MTUS2: variants seen among roughly 807,000 people sequenced by gnomAD.
The protein encoded by MTUS2 is microtubule associated scaffold protein 2, also known as microtubule-associated tumor suppressor candidate 2.
In MTUS2, 40 loss-of-function variants were observed where a neutral mutation model predicts 114.1. The observed-to-expected ratio is 0.35, with a 90% CI of 0.27 to 0.46. The LOEUF (loss-of-function observed/expected upper bound fraction) is 0.46. MTUS2 is among the 20% of genes least tolerant of loss of function. MTUS2 has a pLI of 1.00. For synonymous variants in MTUS2, 688 were observed against 672.0 expected (o/e 1.02, Z -0.37); for missense variants, 1,679 against 1,705.4 (o/e 0.98, Z 0.27).
intron 4 of MTUS2, among the ~76,000 whole-genome samples, chr13:29,099,511 T>TG (rs36073198): frequency 0.97 from 148,015 of 152,274 alleles, 72,006 homozygotes; most frequent in Non-Finnish European, 0.99. Context: ...TGCTGCTCTC[T>TG]TATTCCCACA....
intron 8 of MTUS2, among the ~76,000 whole-genome samples, chr13:29,380,740 C>T (rs1287376110): frequency 3.4e-5 from 1 of 29,082 alleles, no homozygotes; most frequent in African/African-American, 5.9e-5. Flanking sequence ...CAAGGTGAAA[C>T]CCCGTCTCTA....
intron 2 of MTUS2, among the ~76,000 whole-genome samples, chr13:29,010,199 A>G (rs1011810864): frequency 7.0e-6 from 1 of 142,518 alleles, no homozygotes; most frequent in Non-Finnish European, 1.5e-5. Context: ...CGACAGAGCA[A>G]GACTCCGTCT....
At chr13:29,492,846 A>T (rs1225425505) in intron 12 of MTUS2, 127 bp downstream of exon 12, 1 of 721,670 alleles carries the variant, frequency 1.4e-6, no homozygotes, top group East Asian at 2.7e-5. Flanking sequence ...ATATAAGGTA[A>T]ATAAGTCATA....
chr13:29,318,391 C>CTTTTTTTTTTTTTATTTTTT, intron 6 of MTUS2, among the ~76,000 whole-genome samples: 1 of 135,080 alleles, frequency 7.4e-6, no homozygotes, highest in South Asian at 2.5e-4. Context: ...ATTTCTTTTT[C>CTTTTTTTTTTTTTATTTTTT]TTTTTTTTTT....
rs150604730 is a variant in MTUS2 at position 29,386,752 on chromosome 13, G to GGA, written c.3117+27279_3117+27280insGA. Among the ~76,000 whole-genome samples the GGA allele has an allele frequency of 2.4e-4, 36 of 152,264 alleles. No homozygotes were observed. The East Asian group carries it at 6.4e-3, about 27-fold the overall frequency. The stretch of plus-strand genomic sequence containing the variant: ...CCAACTGCCCAGTTACTCCCCATAA[G>GGA]AGTAACTCCAATTAGCCTACATTCT... On this transcript the variant is annotated intron_variant, in intron 8 of 15. Transcript: ENST00000612955.
chr13:29,349,324 C>A (rs1309153803), intron 7 of MTUS2, among the ~76,000 whole-genome samples: 19 of 152,056 alleles, frequency 1.2e-4, no homozygotes, highest in Non-Finnish European at 1.5e-5. Flanking sequence ...CATCTCTCTT[C>A]TGGCATTTGT....
At chr13:29,488,067 T>TCCACACATCTGCA in intron 11 of MTUS2, 62 bp downstream of exon 11, 3 of 1,269,040 alleles carry the variant, frequency 2.4e-6, no homozygotes, top group Non-Finnish European at 3.4e-6. Flanking sequence ...CCTTTCCTGC[T>TCCACACATCTGCA]GCAGATGTGT....
In MTUS2 at chr13:29,497,270, G is replaced by A; in HGVS notation, c.3612G>A (p.Gln1204=). ...DQVDTLTFQS[Q]SLRDRARRFE... The stretch of plus-strand genomic sequence containing the variant: ...TGGACACGCTGACCTTCCAGAGCCA[G>A]TCTCTGCGGGACAGAGCCCGCCGCT... Residue 1204 remains glutamine (Q), a synonymous_variant, in exon 13 of 16, where the codon CAG becomes CAA. Transcript: ENST00000612955. 1 of 1,612,184 alleles carries A rather than the reference G, an allele frequency of 6.2e-7. No homozygotes were observed. The highest frequency in any genetic ancestry group is 8.5e-7 in the Non-Finnish European group (1 of 1,179,906).
intron 8 of MTUS2, among the ~76,000 whole-genome samples, chr13:29,395,045 A>G (rs1373088811): frequency 2.6e-5 from 4 of 152,190 alleles, no homozygotes; most frequent in African/African-American, 9.7e-5. Context: ...TTGCAGTGCC[A>G]TTTCAAAATA....
intron 4 of MTUS2, among the ~76,000 whole-genome samples, chr13:29,089,981 G>A (rs1889865983): frequency 6.6e-6 from 1 of 152,262 alleles, no homozygotes; most frequent in South Asian, 2.1e-4. Flanking sequence ...GAGCTAATGT[G>A]GTCATTTGGA....
chr13:28,963,929 C>A (rs375953230), intron 2 of MTUS2, among the ~76,000 whole-genome samples: 4 of 152,206 alleles, frequency 2.6e-5, no homozygotes, highest in African/African-American at 4.8e-5. Flanking sequence ...AGTCTCCCCC[C>A]AGCCTGACCT....
intron 2 of MTUS2, among the ~76,000 whole-genome samples, chr13:28,896,118 G>A (rs1593279428): frequency 6.6e-6 from 1 of 152,188 alleles, no homozygotes; most frequent in South Asian, 2.1e-4. Flanking sequence ...AATACAAGAT[G>A]TTAGACTGAG....
chr13:29,325,543 G>A (rs373086370), intron 7 of MTUS2, among the ~76,000 whole-genome samples: 13,344 of 87,482 alleles, frequency 0.15, 778 homozygotes, highest in Admixed American at 0.23. Flanking sequence ...GAGAAGAAAA[G>A]AAGAAGGAAG....
intron 6 of MTUS2, among the ~76,000 whole-genome samples, chr13:29,319,327 CA>C (rs1297139783): frequency 4.6e-5 from 7 of 152,138 alleles, no homozygotes; most frequent in African/African-American, 1.4e-4. Context: ...GACTGTCCCC[CA>C]GGGGGGACTT....
chr13:29,478,107 G>T (rs1880841764), intron 9 of MTUS2, among the ~76,000 whole-genome samples: 1 of 152,294 alleles, frequency 6.6e-6, no homozygotes, highest in Non-Finnish European at 1.5e-5. Flanking sequence ...ATAGTGTCCA[G>T]GTTCTAAAAG....
At chr13:29,421,169 T>A (rs1459454671) in intron 8 of MTUS2, among the ~76,000 whole-genome samples, 1 of 152,212 alleles carries the variant, frequency 6.6e-6, no homozygotes, top group Non-Finnish European at 1.5e-5. Context: ...TTTAAAAATT[T>A]CTGTTTTCTA....
At chr13:29,339,662 C>A (rs967951282) in intron 7 of MTUS2, 9 of 181,330 alleles carry the variant, frequency 5.0e-5, no homozygotes, top group African/African-American at 1.9e-4. Flanking sequence ...CCCAGTGATG[C>A]TCAGGAGCGG....
At chr13:28,948,413 C>T (rs1258991171) in intron 2 of MTUS2, among the ~76,000 whole-genome samples, 2 of 152,060 alleles carry the variant, frequency 1.3e-5, no homozygotes, top group Non-Finnish European at 2.9e-5. Flanking sequence ...GCTTTATAAT[C>T]CTTTAGGGCT....
chr13:29,456,049 G>A (rs1295107472), intron 9 of MTUS2, among the ~76,000 whole-genome samples: 2 of 152,118 alleles, frequency 1.3e-5, no homozygotes, highest in African/African-American at 4.8e-5. Context: ...TCCAGATGTT[G>A]TAATTAGCAG....
Sources: allele counts gnomAD v4.1 joint callset (sites outside exome capture counted in the v4.1 genomes callset), GRCh38; gene constraint gnomAD v4.1.1; transcripts MANE v1.5; gene names NCBI Gene and HGNC (gene_info 2026-07-23, HGNC 2026-07-21).